PLA2G4F: variants seen among roughly 807,000 people sequenced by gnomAD.
PLA2G4F encodes the protein phospholipase A2 group IVF.
In PLA2G4F, 105 loss-of-function variants were observed where a neutral mutation model predicts 103.1. The observed-to-expected ratio is 1.02, with a 90% confidence interval of 0.87 to 1.20. The LOEUF is 1.20. Among genes scored for constraint, PLA2G4F ranks in the 50% most tolerant of loss-of-function variants. The pLI is 0.00. For missense variants in PLA2G4F, 1,155 were observed against 1,075.9 expected (o/e 1.07, Z -1.03); for synonymous variants, 468 against 441.1 (o/e 1.06, Z -0.76).
intron 7 of PLA2G4F, 24 bp from the exon 8 acceptor site, chr15:42,150,801 G>T (rs78230130): frequency 0.039 from 61,795 of 1,596,690 alleles, 1,321 homozygotes; most frequent in Non-Finnish European, 0.043. Flanking sequence ...GCCCAGGTGG[G>T]TGCGCAGGTG....
chr15:42,144,677 A>T, intron 16 of PLA2G4F, 33 bp from the exon 17 acceptor site: 1 of 1,527,716 alleles, frequency 6.5e-7, no homozygotes, highest in Non-Finnish European at 8.8e-7. Context: ...AATAGAGGGG[A>T]AAGTGGCATC....
chr15:42,150,732 G>A lies in PLA2G4F; in HGVS notation c.647C>T (p.Pro216Leu). 6.2e-7 allele frequency: 1 copy of A among 1,612,016 alleles called. No individual in the cohort carries two copies. The highest frequency in any genetic ancestry group is 8.5e-7 in the Non-Finnish European group (1 of 1,179,438). ...GGGAGGCTGCAGGGGCAAGAGCTGTGGCTTCTCGTAGGCTCCAGGCACTGC... is the reference window on the plus strand; with the variant it reads ...GGGAGGCTGCAGGGGCAAGAGCTGTAGCTTCTCGTAGGCTCCAGGCACTGC... ...QLAVPGAYEKPQLLPLQPPTE... is the reference protein window; with the variant it reads ...QLAVPGAYEKLQLLPLQPPTE... Residue 216 changes from proline (P) to leucine (L), a missense_variant, in exon 8 of 20, where the codon CCA becomes CTA. Transcript: ENST00000397272.
In PLA2G4F at chr15:42,147,205, C is replaced by T. The variant is rs373871457; in HGVS notation, c.1338G>A (p.Leu446=). ...TERLQYYTQE[L]GVRERSGHSV... ...TGTGGCCACTGCGCTCCCGGACCCC[C>T]AGTTCCTGAGTGTAGTACTGTAGCC... is the stretch of plus-strand genomic sequence containing the variant. The change falls in exon 13 of 20, where the codon CTG becomes CTA. Residue 446 remains leucine (L), a synonymous_variant. Transcript: ENST00000397272. 3.3e-5 allele frequency: 54 copies of T among 1,613,056 alleles called. No individual in the cohort carries two copies. The highest frequency in any genetic ancestry group is 4.3e-5 in the Non-Finnish European group (51 of 1,179,986).
chr15:42,153,457 G>A (rs1451797237), intron 5 of PLA2G4F, 115 bp from the exon 6 acceptor site: 3 of 1,495,710 alleles, frequency 2.0e-6, no homozygotes, highest in Non-Finnish European at 2.8e-6. Context: ...AGGGTTTGGA[G>A]TGGGGCGAGC....
intron 13 of PLA2G4F, 137 bp from the exon 14 acceptor site, chr15:42,146,378 A>G: frequency 1.3e-6 from 1 of 774,632 alleles, no homozygotes; most frequent in Non-Finnish European, 2.1e-6. Flanking sequence ...TGCTGTAAGG[A>G]CAGCCCTCTG....
Position 42,142,222 on chromosome 15 carries a change from AGAG to A in PLA2G4F, c.2330-21_2330-19del. On this transcript the variant is annotated intron_variant, in intron 19 of 19. Coordinates refer to ENST00000397272, the MANE Select transcript of PLA2G4F (RefSeq NM_213600.4). ...CTCCACACCTGTGGGTGGGGGAAGC[AGAG>A]GAGAGGCCAGGATGGAGCCCTCTGT... 1.3e-6 allele frequency: 2 copies of A among 1,598,210 alleles called. No individual in the cohort carries two copies. The highest frequency in any genetic ancestry group is 1.7e-6 in the Non-Finnish European group (2 of 1,170,288).
chr15:42,142,566 G>T lies in PLA2G4F; in HGVS notation c.2291C>A (p.Pro764His). 2 of 1,614,048 alleles carry T rather than the reference G, an allele frequency of 1.2e-6. No individual in the cohort carries two copies. The highest frequency in any genetic ancestry group is 2.2e-5 in the South Asian group (2 of 91,052). Residue 764 changes from proline to histidine, a missense_variant, in exon 19 of 20, where the codon CCC becomes CAC. Transcript: ENST00000397272. ...DPRSPIVLHF[P>H]LVNRTFRTHL... is the part of the protein sequence containing the mutation. ...TGTGCGGAAGGTACGGTTAACCAGG[G>T]GGAAGTGCAGCACAATGGGGGAGCG...
At chr15:42,155,456 C>T (rs2049006731) in intron 2 of PLA2G4F, 61 bp downstream of exon 2, 1 of 1,558,210 alleles carries the variant, frequency 6.4e-7, no homozygotes, top group Non-Finnish European at 8.8e-7. Flanking sequence ...CCAGCCTGAG[C>T]TGAGCTCTGA....
intron 6 of PLA2G4F, 141 bp from the exon 7 acceptor site, chr15:42,152,895 G>C: frequency 3.7e-6 from 3 of 805,120 alleles, no homozygotes; most frequent in East Asian, 2.7e-5. Context: ...TCCTGGGGCA[G>C]GGTCTAGGAA....
chr15:42,151,389 T>C lies in PLA2G4F; in HGVS notation c.602-612A>G, dbSNP rs373085034. Reference sequence around the variant, plus strand: ...TGGGAGGAGTGAGGGGGTGGGCTTGTGGGCTCCGGAGCTCCCTGCCCAGCT... The same window carrying C: ...TGGGAGGAGTGAGGGGGTGGGCTTGCGGGCTCCGGAGCTCCCTGCCCAGCT... On this transcript the variant is annotated intron_variant, in intron 7 of 19. Coordinates refer to ENST00000397272, the MANE Select transcript of PLA2G4F (RefSeq NM_213600.4). 47 of 985,216 alleles carry C rather than the reference T, an allele frequency of 4.8e-5. No homozygotes were observed. The African/African-American group carries it at 6.3e-4, about 13-fold the overall frequency. The allele number at this position is 985,216 out of a possible 1,614,324, so 61.0% of individuals were successfully genotyped here.
chr15:42,155,162 C>T (rs1356600614), intron 2 of PLA2G4F, among the ~76,000 whole-genome samples: 1 of 151,958 alleles, frequency 6.6e-6, no homozygotes, highest in African/African-American at 2.4e-5. Flanking sequence ...CACACTTGCA[C>T]TCACACACTC....
chr15:42,153,671 G>T lies in PLA2G4F; in HGVS notation c.451-11C>A, dbSNP rs531488177. On this transcript the variant is annotated splice_polypyrimidine_tract_variant and intron_variant, in intron 4 of 19. Transcript: ENST00000397272. ...CAGCTCTTGTGAATCCTACATGGAG[G>T]GGGAGGGAGCACCAATTTTTTCAAG... The T allele has an allele frequency of 1.1e-5, 18 of 1,613,972 alleles. No individual in the cohort carries two copies. The highest frequency in any genetic ancestry group is 1.5e-5 in the Non-Finnish European group (18 of 1,179,992).
At position 42,142,583 on chromosome 15, in the gene PLA2G4F, G is replaced by A; in HGVS notation, c.2274C>T (p.Pro758=). 3 of 1,614,068 alleles carry A rather than the reference G, an allele frequency of 1.9e-6. No homozygotes were observed. The highest frequency in any genetic ancestry group is 1.1e-5 in the South Asian group (1 of 91,064). ...LFAKAEDPRS[P]IVLHFPLVNR... is the part of the protein sequence containing the mutation. ...TAACCAGGGGGAAGTGCAGCACAAT[G>A]GGGGAGCGGGGGTCCTCAGCCTTGG... The change falls in exon 19 of 20, where the codon CCC becomes CCT. Residue 758 remains proline, a synonymous_variant. Transcript: ENST00000397272.
At chr15:42,154,030 G>A in intron 4 of PLA2G4F, 62 bp downstream of exon 4, 2 of 1,606,918 alleles carry the variant, frequency 1.2e-6, no homozygotes, top group Non-Finnish European at 1.7e-6. Flanking sequence ...CCCCTCTTTG[G>A]TGGCCCTGTG....
At position 42,154,243 on chromosome 15, in the gene PLA2G4F, G is replaced by T. The variant is rs549651862; in HGVS notation, c.322-23C>A. The T allele has an allele frequency of 2.8e-5, 46 of 1,614,186 alleles. No individual in the cohort carries two copies. In the African/African-American group the frequency reaches 5.9e-4, roughly 21 times the overall value. On this transcript the variant is annotated intron_variant, in intron 3 of 19. Coordinates refer to ENST00000397272, the MANE Select transcript of PLA2G4F (RefSeq NM_213600.4). ...GTTCTGGGGACAAGGCAGGCAGGAG[G>T]TCCGAGCATGAGGTAGGACAGGAGG...
At chr15:42,146,296 C>T (rs180790978) in intron 13 of PLA2G4F, 55 bp from the exon 14 acceptor site, 1 of 1,551,946 alleles carries the variant, frequency 6.4e-7, no homozygotes, top group Non-Finnish European at 8.9e-7. Context: ...ATTCCCCATC[C>T]CCGTGGCCTG....
Position 42,141,219 on chromosome 15 carries a change from G to A in PLA2G4F, c.*765C>T, listed in dbSNP as rs1248356556. ...CCCATTTAGCTCCTAGGAATGGTGA[G>A]ACTATATTTGCATGATGTGGCCACT... On this transcript the variant is annotated 3_prime_UTR_variant, in exon 20 of 20. Transcript: ENST00000397272. 1 of 456,716 alleles carries A rather than the reference G, an allele frequency of 2.2e-6. No homozygotes were observed. The highest frequency in any genetic ancestry group is 1.5e-5 in the South Asian group (1 of 64,574). The allele number at this position is 456,716 out of a possible 1,614,324, so 28.3% of individuals were successfully genotyped here.
chr15:42,155,680 C>G, intron 1 of PLA2G4F, 91 bp from the exon 2 acceptor site: 1 of 1,319,276 alleles, frequency 7.6e-7, no homozygotes, highest in Non-Finnish European at 1.1e-6. Context: ...GGAGCAGCAA[C>G]CTGGCATAGG....
chr15:42,148,843 C>T, intron 11 of PLA2G4F: 1 of 985,426 alleles, frequency 1.0e-6, no homozygotes, highest in African/African-American at 1.7e-5. Context: ...AAAAAATGCT[C>T]CCTGGCCACT....
Sources: gnomAD v4.1 joint callset for allele counts (sites outside exome capture counted in the v4.1 genomes callset) on GRCh38, gnomAD v4.1.1 for gene constraint, MANE v1.5 for transcripts, NCBI Gene and HGNC (gene_info 2026-07-23, HGNC 2026-07-21) for gene names.